Variants in RANBP2 observed in about 807,000 individuals in gnomAD.
RANBP2 encodes the protein RAN binding protein 2.
In RANBP2, 57 loss-of-function variants were observed where a neutral mutation model predicts 303.6. That is an observed-to-expected ratio of 0.19 (90% CI 0.15 to 0.23). The LOEUF (loss-of-function observed/expected upper bound fraction) is 0.23, where lower values mean the gene tolerates loss of function less well. RANBP2 is among the 10% of genes least tolerant of loss of function. RANBP2 has a pLI of 1.00. For missense variants in RANBP2, 3,138 were observed against 3,780.8 expected (o/e 0.83, Z 4.46); for synonymous variants, 1,167 against 1,301.5 (o/e 0.90, Z 2.23).
chr2:108,800,528 G>A, the RANBP2 span, among the ~76,000 whole-genome samples: 1 of 148,206 alleles, frequency 6.7e-6, no homozygotes, highest in Non-Finnish European at 1.5e-5. Flanking sequence ...CCCTCCCAAA[G>A]TGCTGGGATC....
At chr2:109,112,248 C>A in the RANBP2 span, among the ~76,000 whole-genome samples, 8 of 152,074 alleles carry the variant, frequency 5.3e-5, no homozygotes, top group Non-Finnish European at 1.0e-4. Flanking sequence ...CAGTCCCACC[C>A]ACAGTGTAAA....
At chr2:109,440,072 C>T in the RANBP2 span, among the ~76,000 whole-genome samples, 2,370 of 152,264 alleles carry the variant, frequency 0.016, 49 homozygotes, top group African/African-American at 0.053. Context: ...AGCAGAGGAA[C>T]CAGCATGAGC....
chr2:109,397,159 G>A, the RANBP2 span, among the ~76,000 whole-genome samples: 3 of 152,116 alleles, frequency 2.0e-5, no homozygotes, highest in South Asian at 6.2e-4. Flanking sequence ...TGCCAGGCCT[G>A]CACACAACCA....
rs763628368 is a variant in RANBP2 at position 108,763,404 on chromosome 2, G to A, written c.2865G>A (p.Ser955=). 8 of 1,613,756 alleles carry A rather than the reference G, an allele frequency of 5.0e-6. No individual in the cohort carries two copies. Among genetic ancestry groups the A allele is most frequent in the South Asian group, 2.2e-5 (2 of 91,078 alleles). The part of the protein sequence containing the change: ...RFESPATGIL[S]PRGDDYFNYN... ...AGTCTCCTGCAACGGGAATTCTATC[G>A]CCCAGGGGTGATGATTACTTTAATT... The change falls in exon 20 of 29, where the codon TCG becomes TCA. Residue 955 remains serine (S), a synonymous_variant. Coordinates refer to ENST00000283195, the MANE Select transcript of RANBP2 (RefSeq NM_006267.5).
the RANBP2 span, among the ~76,000 whole-genome samples, chr2:109,648,215 C>G: frequency 1.3e-5 from 2 of 152,104 alleles, no homozygotes; most frequent in Non-Finnish European, 2.9e-5. Flanking sequence ...ATGTGAACAC[C>G]GAACCACTGA....
At chr2:109,639,907 C>T in the RANBP2 span, among the ~76,000 whole-genome samples, 3 of 151,534 alleles carry the variant, frequency 2.0e-5, no homozygotes, top group Non-Finnish European at 4.4e-5. Context: ...GATAGGGTTT[C>T]ACCATATTGG....
the RANBP2 span, among the ~76,000 whole-genome samples, chr2:109,075,437 G>A: frequency 6.6e-6 from 1 of 150,384 alleles, no homozygotes; most frequent in Non-Finnish European, 1.5e-5. Flanking sequence ...TGTTGGCCAG[G>A]CTGGTCTCGA....
chr2:109,487,016 G>A, the RANBP2 span, among the ~76,000 whole-genome samples: 7 of 152,308 alleles, frequency 4.6e-5, no homozygotes, highest in East Asian at 1.4e-3. Context: ...CCCCAACAGA[G>A]AGGAGTGCAG....
At chr2:108,894,388 CAG>C in the RANBP2 span, 1 of 152,536 alleles carries the variant, frequency 6.6e-6, no homozygotes. Context: ...TAACCAGGAA[CAG>C]AGCAATCAGA....
the RANBP2 span, among the ~76,000 whole-genome samples, chr2:108,995,023 G>T: frequency 6.6e-6 from 1 of 151,798 alleles, no homozygotes; most frequent in Non-Finnish European, 1.5e-5. Context: ...GTAGAGATGA[G>T]GTTTCACCAT....
At chr2:108,949,383 C>T in the RANBP2 span, among the ~76,000 whole-genome samples, 2 of 152,148 alleles carry the variant, frequency 1.3e-5, 1 homozygote, top group African/African-American at 4.8e-5. Context: ...GATAATTTTG[C>T]TTTTCAGTCA....
At chr2:108,751,221 A>G (rs1278219418) in intron 9 of RANBP2, 43 bp from the exon 10 acceptor site, 1 of 1,611,990 alleles carries the variant, frequency 6.2e-7, no homozygotes, top group Middle Eastern at 2.3e-4. Context: ...TGGCACAAGG[A>G]AAAATTTCAA....
At chr2:108,826,309 T>C in the RANBP2 span, among the ~76,000 whole-genome samples, 1 of 152,326 alleles carries the variant, frequency 6.6e-6, no homozygotes, top group Middle Eastern at 3.4e-3. Context: ...TTTTGCATCA[T>C]GTTTAAGAAA....
At chr2:109,014,953 C>T in the RANBP2 span, among the ~76,000 whole-genome samples, 11 of 151,804 alleles carry the variant, frequency 7.2e-5, no homozygotes, top group African/African-American at 2.4e-4. Flanking sequence ...AACCCTATCT[C>T]TACTAAAAAT....
the RANBP2 span, among the ~76,000 whole-genome samples, chr2:109,608,338 T>A: frequency 6.6e-6 from 1 of 152,204 alleles, no homozygotes; most frequent in African/African-American, 2.4e-5. Context: ...TATTTCACAA[T>A]TTGTGAACTC....
At chr2:109,389,342 G>A in the RANBP2 span, among the ~76,000 whole-genome samples, 1 of 152,206 alleles carries the variant, frequency 6.6e-6, no homozygotes, top group Admixed American at 6.5e-5. Context: ...GGCAATGTCT[G>A]TCATCTCCCC....
At chr2:109,424,056 A>G in the RANBP2 span, among the ~76,000 whole-genome samples, 1 of 152,186 alleles carries the variant, frequency 6.6e-6, no homozygotes, top group South Asian at 2.1e-4. Context: ...TGGTGGTGGC[A>G]GCACATCCCC....
the RANBP2 span, among the ~76,000 whole-genome samples, chr2:109,514,384 G>A: frequency 6.6e-6 from 1 of 152,140 alleles, no homozygotes; most frequent in Non-Finnish European, 1.5e-5. Flanking sequence ...GCCCACAGCT[G>A]CAGCCCATCC....
At chr2:108,822,175 A>G in the RANBP2 span, among the ~76,000 whole-genome samples, 2 of 152,184 alleles carry the variant, frequency 1.3e-5, no homozygotes, top group African/African-American at 4.8e-5. Flanking sequence ...AATATAAGAC[A>G]AAATATACTT....
Sources: allele counts gnomAD v4.1 joint callset (sites outside exome capture counted in the v4.1 genomes callset), GRCh38; gene constraint gnomAD v4.1.1; transcripts MANE v1.5; gene names NCBI Gene and HGNC (gene_info 2026-07-23, HGNC 2026-07-21).